The following FGF13 variants were observed in gnomAD, a reference collection of about 807,000 sequenced individuals.
FGF13 encodes fibroblast growth factor 13, also known as fibroblast growth factor homologous factor 2.
In FGF13, 2 loss-of-function variants were observed where a neutral mutation model predicts 19.5. That is an observed-to-expected ratio of 0.10 (90% CI 0.04 to 0.32). The LOEUF (loss-of-function observed/expected upper bound fraction) is 0.32, where lower values mean the gene tolerates loss of function less well. FGF13 is among the 10% of genes least tolerant of loss of function. The pLI is 1.00. For missense variants in FGF13, 113 were observed against 192.7 expected (o/e 0.59, Z 2.45); for synonymous variants, 72 against 76.9 (o/e 0.94, Z 0.33).
chrX:139,129,421 C>CA (rs1019438265), intron 1 of FGF13, among the ~76,000 whole-genome samples: 9 of 110,552 alleles, frequency 8.1e-5, no homozygotes, highest in African/African-American at 3.0e-4. Flanking sequence ...GCCTAAATCC[C>CA]ACCCTTGTTA....
intron 3 of FGF13, among the ~76,000 whole-genome samples, chrX:138,750,647 T>C (rs1029517640): frequency 3.0e-4 from 34 of 111,675 alleles, no homozygotes; most frequent in Admixed American, 1.1e-3. Context: ...TTTTGCTGCA[T>C]ACATGTGAAT....
chrX:138,911,979 G>C (rs1018929613), intron 1 of FGF13, among the ~76,000 whole-genome samples: 2 of 111,804 alleles, frequency 1.8e-5, no homozygotes, highest in African/African-American at 6.5e-5. Flanking sequence ...TAACACCCTT[G>C]GTCTCTGAGC....
At chrX:138,935,274 G>C (rs1043897251) in intron 1 of FGF13, among the ~76,000 whole-genome samples, 2 of 111,206 alleles carry the variant, frequency 1.8e-5, no homozygotes, top group African/African-American at 6.6e-5. Context: ...CTGAGCGTTT[G>C]AGGATTGCGG....
chrX:138,709,205 T>C (rs1409769633), intron 1 of FGF13, among the ~76,000 whole-genome samples: 3 of 112,597 alleles, frequency 2.7e-5, no homozygotes, highest in Non-Finnish European at 5.6e-5. Flanking sequence ...TGGAACTCTA[T>C]CTCACTGAGT....
chrX:138,702,904 A>AT, intron 3 of FGF13, 80 bp downstream of exon 3: 1 of 634,418 alleles, frequency 1.6e-6, no homozygotes, highest in South Asian at 2.5e-5. Flanking sequence ...ATCTGTAATG[A>AT]TAACACATAT....
rs1464731508 is a variant in FGF13 at position 138,950,256 on chromosome X, C to CA, written c.-112-85607dup. Among the ~76,000 whole-genome samples, 3 of 111,542 alleles carry CA rather than the reference C, an allele frequency of 2.7e-5. No individual in the cohort carries two copies. In the Admixed American group the frequency reaches 2.9e-4, roughly 11 times the overall value. On this transcript the variant is annotated intron_variant, in intron 1 of 2. Transcript: ENST00000421460. ...TCCTGAACACAGAAGAGAAATCTAT[C>CA]AAAAAATAAACCCACAAAACTATCT...
intron 1 of FGF13, among the ~76,000 whole-genome samples, chrX:138,900,926 T>C (rs756171602): frequency 8.9e-6 from 1 of 112,091 alleles, no homozygotes; most frequent in Non-Finnish European, 1.9e-5. Flanking sequence ...CCTCTTTCCT[T>C]GATGAGGCTA....
chrX:138,844,603 C>T (rs2091169765), intron 3 of FGF13, among the ~76,000 whole-genome samples: 1 of 111,990 alleles, frequency 8.9e-6, no homozygotes, highest in Non-Finnish European at 1.9e-5. Context: ...AACGATTTAC[C>T]GCATTCAGCT....
chrX:138,933,665 C>T (rs2091716595), intron 1 of FGF13, among the ~76,000 whole-genome samples: 1 of 111,977 alleles, frequency 8.9e-6, no homozygotes, highest in Admixed American at 9.4e-5. Flanking sequence ...TTAGCATTGG[C>T]TTCCGAATTG....
At chrX:138,768,701 T>A (rs1229762160) in intron 3 of FGF13, among the ~76,000 whole-genome samples, 1 of 98,752 alleles carries the variant, frequency 1.0e-5, no homozygotes, top group Non-Finnish European at 2.0e-5. Flanking sequence ...TAAGTATATA[T>A]TATATATATA....
intron 1 of FGF13, among the ~76,000 whole-genome samples, chrX:138,958,544 T>A (rs990666056): frequency 8.9e-6 from 1 of 111,814 alleles, no homozygotes; most frequent in African/African-American, 3.3e-5. Flanking sequence ...ATAAAAAGAG[T>A]TAGGGAGGAT....
At chrX:138,713,298 C>T (rs1164788017), upstream of FGF13, among the ~76,000 whole-genome samples, 1 of 112,132 alleles carries the variant, frequency 8.9e-6, no homozygotes, top group Non-Finnish European at 1.9e-5. Context: ...GATATTGATT[C>T]TGAAGAGTAG....
At chrX:138,999,203 T>G (rs1245961730) in intron 1 of FGF13, among the ~76,000 whole-genome samples, 2 of 112,117 alleles carry the variant, frequency 1.8e-5, no homozygotes, top group Non-Finnish European at 3.8e-5. Context: ...GAGGGAAATT[T>G]ATAGCACTAA....
At chrX:138,754,381 G>A (rs1191613919) in intron 3 of FGF13, among the ~76,000 whole-genome samples, 4 of 111,451 alleles carry the variant, frequency 3.6e-5, no homozygotes, top group Non-Finnish European at 5.6e-5. Context: ...CACAAAGAGT[G>A]TCCATTTGAT....
intron 1 of FGF13, among the ~76,000 whole-genome samples, chrX:138,874,086 T>G (rs1309002614): frequency 9.5e-6 from 1 of 104,868 alleles, no homozygotes; most frequent in Non-Finnish European, 1.9e-5. Context: ...CACACCAACA[T>G]GGTACATGTA....
In FGF13 at chrX:138,843,601, A is replaced by G. The variant is rs190155386; in HGVS notation, c.217+13911T>C. 9.2e-4 allele frequency among the ~76,000 whole-genome samples: 103 copies of G among 111,747 alleles called. 1 individual carries two copies. Among genetic ancestry groups the G allele is most frequent in the African/African-American group, 3.2e-3 (100 of 30,808 alleles). On this transcript the variant is annotated intron_variant, in intron 3 of 6. Coordinates refer to the FGF13 transcript ENST00000436198. ...GTCTTAGGAAAAAGGGCAGTCAGCA[A>G]AAAGTGTCTAAAAGCTCTAGTCTCT...
intron 3 of FGF13, among the ~76,000 whole-genome samples, chrX:138,656,847 A>G (rs17001779): frequency 0.012 from 1,316 of 111,945 alleles, 21 homozygotes; most frequent in South Asian, 0.051. Context: ...TGTCCAAAAA[A>G]CAAAGAAGGC....
intron 1 of FGF13, among the ~76,000 whole-genome samples, chrX:139,068,977 G>A (rs1227500935): frequency 1.8e-5 from 2 of 108,543 alleles, no homozygotes; most frequent in Admixed American, 2.0e-4. Flanking sequence ...GTGCTGGAGA[G>A]GATGTGGAGA....
At chrX:138,944,548 G>C (rs1003797478) in intron 1 of FGF13, among the ~76,000 whole-genome samples, 13 of 110,674 alleles carry the variant, frequency 1.2e-4, no homozygotes, top group African/African-American at 4.3e-4. Context: ...ATGTGATAAA[G>C]GTAATTTGTT....
Sources: allele counts gnomAD v4.1 joint callset (sites outside exome capture counted in the v4.1 genomes callset), GRCh38; gene constraint gnomAD v4.1.1; transcripts MANE v1.5; gene names NCBI Gene and HGNC (gene_info 2026-07-23, HGNC 2026-07-21).